The following RAD51B variants were observed in gnomAD, a reference collection of about 807,000 sequenced individuals.
RAD51B encodes RAD51 paralog B.
Under a neutral mutation model 42.2 loss-of-function variants are expected in RAD51B, and 38 were observed. The observed-to-expected ratio is 0.90, with a 90% CI of 0.70 to 1.18. The LOEUF is 1.18. Ranked by LOEUF, RAD51B falls within the 50% of genes most tolerant of loss-of-function variation. The pLI is 0.00. For missense variants in RAD51B, 373 were observed against 400.7 expected (o/e 0.93, Z 0.59); for synonymous variants, 154 against 145.2 (o/e 1.06, Z -0.43).
At chr14:68,512,913 G>A (rs1352533488) in intron 10 of RAD51B, among the ~76,000 whole-genome samples, 1 of 152,000 alleles carries the variant, frequency 6.6e-6, no homozygotes, top group Non-Finnish European at 1.5e-5. Context: ...TGAAGAGAGA[G>A]TAAGCAATGT....
chr14:68,480,877 G>A (rs184505374), downstream of RAD51B, among the ~76,000 whole-genome samples: 5 of 152,270 alleles, frequency 3.3e-5, no homozygotes, highest in Admixed American at 3.3e-4. Context: ...TCAAGAATAC[G>A]GCTGGACAGA....
chr14:68,291,035 T>C (rs2081506924), intron 7 of RAD51B, among the ~76,000 whole-genome samples: 1 of 151,972 alleles, frequency 6.6e-6, no homozygotes, highest in African/African-American at 2.4e-5. Flanking sequence ...CTCAAACTCC[T>C]GACCTCAGGC....
chr14:68,200,122 A>T (rs2079452874), intron 7 of RAD51B, among the ~76,000 whole-genome samples: 1 of 152,200 alleles, frequency 6.6e-6, no homozygotes, highest in Admixed American at 6.5e-5. Context: ...AGAAACAGAG[A>T]TGAATTCTGC....
At chr14:68,123,521 A>G (rs765628733) in intron 7 of RAD51B, among the ~76,000 whole-genome samples, 1 of 151,906 alleles carries the variant, frequency 6.6e-6, no homozygotes, top group Non-Finnish European at 1.5e-5. Context: ...AAGTTAGATG[A>G]TATCAGCTGG....
At chr14:68,125,695 G>T (rs931439871) in intron 7 of RAD51B, among the ~76,000 whole-genome samples, 1 of 152,000 alleles carries the variant, frequency 6.6e-6, no homozygotes, top group African/African-American at 2.4e-5. Context: ...GAAAAAAAGT[G>T]TCTCACTTCT....
At chr14:67,926,364 G>C (rs909852354) in intron 7 of RAD51B, among the ~76,000 whole-genome samples, 1 of 152,076 alleles carries the variant, frequency 6.6e-6, no homozygotes, top group Non-Finnish European at 1.5e-5. Context: ...GCAAAATGCT[G>C]CCAGTCTGTT....
chr14:68,400,123 T>C (rs2084055654), intron 8 of RAD51B, among the ~76,000 whole-genome samples: 1 of 152,184 alleles, frequency 6.6e-6, no homozygotes, highest in Non-Finnish European at 1.5e-5. Flanking sequence ...AAGGACCCTC[T>C]CTCAGCCCTG....
chr14:68,118,434 G>A (rs969272817), intron 7 of RAD51B, among the ~76,000 whole-genome samples: 19 of 152,158 alleles, frequency 1.2e-4, no homozygotes, highest in African/African-American at 4.1e-4. Context: ...TAAAGGAAGT[G>A]TGCCCCTCGC....
At chr14:68,015,881 A>G (rs928983816) in intron 7 of RAD51B, among the ~76,000 whole-genome samples, 7 of 152,196 alleles carry the variant, frequency 4.6e-5, no homozygotes, top group Admixed American at 6.5e-5. Context: ...TAAATGCCTT[A>G]CCTTTTATGG....
intron 8 of RAD51B, among the ~76,000 whole-genome samples, chr14:68,294,813 C>G (rs1252304290): frequency 6.6e-6 from 1 of 152,208 alleles, no homozygotes; most frequent in African/African-American, 2.4e-5. Context: ...CTTCGGCATA[C>G]CTGCAGGAGC....
intron 7 of RAD51B, among the ~76,000 whole-genome samples, chr14:68,019,737 G>A (rs777993437): frequency 1.3e-5 from 2 of 152,056 alleles, no homozygotes; most frequent in East Asian, 3.9e-4. Context: ...TTAAGATTAG[G>A]ATGACTGCGT....
intron 5 of RAD51B, among the ~76,000 whole-genome samples, chr14:67,874,078 T>TA (rs1350012145): frequency 6.6e-6 from 1 of 151,730 alleles, no homozygotes; most frequent in Admixed American, 6.6e-5. Flanking sequence ...CCCTAAAACT[T>TA]AAAGTATAAT....
At chr14:68,089,738 A>ATG (rs149830768) in intron 7 of RAD51B, among the ~76,000 whole-genome samples, 94 of 152,196 alleles carry the variant, frequency 6.2e-4, no homozygotes, top group Middle Eastern at 3.4e-3. Context: ...GTAAATGTTT[A>ATG]TGTGTGTGTG....
chr14:68,653,123 C>T lies in RAD51B; in HGVS notation c.*11+2267C>T, dbSNP rs149383980. On this transcript the variant is annotated intron_variant, in intron 11 of 11. Transcript: ENST00000488612. ...CTTAAGTTCTAACTTGGTGGGCTCA[C>T]GGTGACCCACATCCCACAGGTGGAG... Among the ~76,000 whole-genome samples the T allele has an allele frequency of 2.4e-4, 37 of 152,302 alleles. 1 individual carries two copies. The highest frequency in any genetic ancestry group is 5.5e-4 in the African/African-American group (23 of 41,562).
At chr14:68,199,639 C>T (rs894206870) in intron 7 of RAD51B, among the ~76,000 whole-genome samples, 4 of 152,154 alleles carry the variant, frequency 2.6e-5, no homozygotes, top group African/African-American at 9.7e-5. Context: ...GAAGTTGCCT[C>T]CCTCCTTCAT....
intron 9 of RAD51B, among the ~76,000 whole-genome samples, chr14:68,457,626 G>A (rs2085730519): frequency 6.6e-6 from 1 of 151,902 alleles, no homozygotes; most frequent in African/African-American, 2.4e-5. Context: ...TTGAGACGGA[G>A]TCTAGCTTTG....
At chr14:68,318,504 A>G (rs2082102145) in intron 8 of RAD51B, among the ~76,000 whole-genome samples, 1 of 152,198 alleles carries the variant, frequency 6.6e-6, no homozygotes, top group Admixed American at 6.5e-5. Flanking sequence ...TTGTTTGGGG[A>G]TATTTTGGAA....
At chr14:67,992,293 C>T (rs1321883901) in intron 7 of RAD51B, among the ~76,000 whole-genome samples, 1 of 152,142 alleles carries the variant, frequency 6.6e-6, no homozygotes, top group Non-Finnish European at 1.5e-5. Flanking sequence ...TAGAATGAGA[C>T]TGTGAAGCTC....
chr14:67,981,807 G>C (rs1325869251), intron 7 of RAD51B, among the ~76,000 whole-genome samples: 1 of 152,174 alleles, frequency 6.6e-6, no homozygotes, highest in African/African-American at 2.4e-5. Context: ...ATGGGGAATA[G>C]AGGAGGAGAA....
Sources: gnomAD v4.1 joint callset for allele counts (sites outside exome capture counted in the v4.1 genomes callset) on GRCh38, gnomAD v4.1.1 for gene constraint, MANE v1.5 for transcripts, NCBI Gene and HGNC (gene_info 2026-07-23, HGNC 2026-07-21) for gene names.